CEMIP: variants seen among roughly 807,000 people sequenced by gnomAD.
CEMIP encodes cell migration-inducing and hyaluronan-binding protein.
Under a neutral mutation model 156.9 loss-of-function variants are expected in CEMIP, and 105 were observed. The ratio of observed to expected loss-of-function variants is 0.67; its 90% confidence interval spans 0.57 to 0.79. CEMIP has a LOEUF of 0.79. Among genes scored for constraint, CEMIP ranks in the 30% least tolerant of loss-of-function variants. The pLI, the probability that CEMIP is intolerant of heterozygous loss-of-function variation, is 0.00. For missense variants in CEMIP, 1,457 were observed against 1,769.4 expected, an observed-to-expected ratio of 0.82 and a Z score of 3.17; for synonymous variants, 676 against 668.4, an observed-to-expected ratio of 1.01 and a Z score of -0.17.
At chr15:80,826,042 A>C (rs1897030068) in intron 1 of CEMIP, among the ~76,000 whole-genome samples, 1 of 152,184 alleles carries the variant, frequency 6.6e-6, no homozygotes, top group African/African-American at 2.4e-5. Context: ...CACCATCTGC[A>C]CGTCTTTCTT....
intron 1 of CEMIP, among the ~76,000 whole-genome samples, chr15:80,859,565 C>T (rs545169590): frequency 6.6e-6 from 1 of 152,348 alleles, no homozygotes; most frequent in Admixed American, 6.5e-5. Context: ...TTCAAGGATG[C>T]CTCTAGTTCA....
chr15:80,822,949 G>A (rs1468906693), intron 1 of CEMIP, among the ~76,000 whole-genome samples: 1 of 152,136 alleles, frequency 6.6e-6, no homozygotes, highest in Non-Finnish European at 1.5e-5. Context: ...TGAGAACATG[G>A]GGCTGGGAGT....
chr15:80,807,230 A>ATT lies in CEMIP; in HGVS notation c.-176+27633_-176+27634dup, dbSNP rs5814038. On this transcript the variant is annotated intron_variant, in intron 1 of 29. Coordinates refer to ENST00000394685, the MANE Select transcript of CEMIP (RefSeq NM_001293298.2). ...AGTAGAGACAAAGTATCTAGAGAGGATTTTTTTTTTTTTTTTTTGAGACAG... is the reference window on the plus strand; with the variant it reads ...AGTAGAGACAAAGTATCTAGAGAGGATTTTTTTTTTTTTTTTTTTTGAGACAG... Among the ~76,000 whole-genome samples, 1,262 of 139,106 alleles carry ATT rather than the reference A, an allele frequency of 9.1e-3. 13 individuals are homozygous for ATT. The highest frequency in any genetic ancestry group is 0.012 in the Non-Finnish European group (753 of 64,178). The allele number at this position is 139,106 out of a possible 152,430, so 91.3% of individuals were successfully genotyped here. A position where few individuals can be genotyped will look rare whatever the true frequency, so the allele number is the denominator to read the frequency against.
intron 1 of CEMIP, among the ~76,000 whole-genome samples, chr15:80,869,892 G>C (rs1397080182): frequency 6.6e-6 from 1 of 152,172 alleles, no homozygotes; most frequent in Non-Finnish European, 1.5e-5. Flanking sequence ...CAGCTGATGA[G>C]AGCCAGAGTT....
intron 1 of CEMIP, among the ~76,000 whole-genome samples, chr15:80,784,890 C>A (rs567189009): frequency 6.6e-6 from 1 of 152,210 alleles, no homozygotes; most frequent in East Asian, 1.9e-4. Flanking sequence ...ATTCTGATTC[C>A]AATTCTTCTT....
chr15:80,888,947 TTTAA>T lies in CEMIP; in HGVS notation c.964+155_964+158del, dbSNP rs1161830068. On this transcript the variant is annotated intron_variant, in intron 9 of 29. Transcript: ENST00000394685. ...TAAAAATGTGCAACCAAAAGTTGTC[TTTAA>T]TTAGACAAGCCACTTTAGCCCATAG... The T allele has an allele frequency of 2.0e-5, 15 of 756,988 alleles. No homozygotes were observed. The Admixed American group carries it at 3.0e-4, about 15-fold the overall frequency. 46.9% of individuals were successfully genotyped at this position (756,988 alleles called of 1,614,324 possible). A position where few individuals can be genotyped will look rare whatever the true frequency, so the allele number is the denominator to read the frequency against.
At chr15:80,948,075 T>C (rs1301912721) in intron 29 of CEMIP, 1 of 153,494 alleles carries the variant, frequency 6.5e-6, no homozygotes, top group African/African-American at 2.4e-5. Flanking sequence ...CCTGAAATCA[T>C]TTTGGAGCCT....
intron 14 of CEMIP, among the ~76,000 whole-genome samples, chr15:80,911,800 G>A (rs1424047601): frequency 6.6e-6 from 1 of 152,278 alleles, no homozygotes; most frequent in African/African-American, 2.4e-5. Flanking sequence ...AAAGGGGGAA[G>A]CGGCACAAGA....
rs1900936121 is a variant in CEMIP at position 80,932,042 on chromosome 15, G to A, written c.2793+3G>A. 1 of 1,612,832 alleles carries A rather than the reference G, an allele frequency of 6.2e-7. No individual in the cohort carries two copies. The highest frequency in any genetic ancestry group is 8.5e-7 in the Non-Finnish European group (1 of 1,180,022). Reference sequence around the variant, plus strand: ...GCATTGCCTTTGAGGACGTTCCGGTGAGTGAGGCGCCAGGGCAGACTCCCG... The same window carrying A: ...GCATTGCCTTTGAGGACGTTCCGGTAAGTGAGGCGCCAGGGCAGACTCCCG... On this transcript the variant is annotated splice_donor_region_variant and intron_variant, in intron 22 of 29. Transcript: ENST00000394685. This position sits in a 1 kb window ranked among gnomAD's most constrained non-coding sequence, Gnocchi z 4.5.
intron 1 of CEMIP, among the ~76,000 whole-genome samples, chr15:80,850,512 C>A (rs1046322648): frequency 6.6e-6 from 1 of 152,182 alleles, no homozygotes; most frequent in African/African-American, 2.4e-5. Context: ...CTCCTGGCTT[C>A]AAGTGATCCC....
rs577064194 is a variant in CEMIP, at chr15:80,918,218, T to C, written c.1798-1876T>C. ...TGAGCTCAGGAGGCAGAGGTTGTAGTGAGCCGAGATCATGCCACTGCACTC... is the reference window on the plus strand; with the variant it reads ...TGAGCTCAGGAGGCAGAGGTTGTAGCGAGCCGAGATCATGCCACTGCACTC... On this transcript the variant is annotated intron_variant, in intron 14 of 29. Transcript: ENST00000394685. Among the ~76,000 whole-genome samples the C allele has an allele frequency of 4.1e-3, 621 of 151,916 alleles. 5 individuals are homozygous for C. The highest frequency in any genetic ancestry group is 0.015 in the African/African-American group (602 of 41,384).
chr15:80,904,715 C>G (rs1175798265), intron 12 of CEMIP, among the ~76,000 whole-genome samples: 1 of 152,132 alleles, frequency 6.6e-6, no homozygotes, highest in Non-Finnish European at 1.5e-5. Flanking sequence ...CCACTCAAAT[C>G]TGAAAAGGGC....
At chr15:80,927,897 G>C (rs1900755540) in intron 19 of CEMIP, among the ~76,000 whole-genome samples, 1 of 152,152 alleles carries the variant, frequency 6.6e-6, no homozygotes, top group African/African-American at 2.4e-5. Flanking sequence ...AACTAAATGG[G>C]CTTCGGAAAA....
Position 80,936,633 on chromosome 15 carries a change from G to A in CEMIP, c.3010-41G>A, listed in dbSNP as rs145470786. 8.2e-3 allele frequency: 12,568 copies of A among 1,534,002 alleles called. 81 individuals are homozygous for A. The highest frequency in any genetic ancestry group is 0.031 in the Middle Eastern group (185 of 5,898). ...CCAGACGCTCTTGGAATAATCCTTC[G>A]TAATAGCCTCATTGTGTGTTTCCTT... On this transcript the variant is annotated intron_variant, in intron 23 of 29. Transcript: ENST00000394685.
At chr15:80,878,645 C>G (rs1898546242) in intron 3 of CEMIP, 76 bp from the exon 4 acceptor site, 1 of 1,593,890 alleles carries the variant, frequency 6.3e-7, no homozygotes, top group Non-Finnish European at 8.6e-7. Context: ...TGCATGGGAG[C>G]CCCCTTTTGG....
Position 80,943,064 on chromosome 15 carries a change from A to G in CEMIP, c.3819A>G (p.Pro1273=), listed in dbSNP as rs116794418. 1,792 of 1,614,208 alleles carry G rather than the reference A, an allele frequency of 1.1e-3. 15 individuals are homozygous for G. In the African/African-American group the frequency reaches 0.021, roughly 19 times the overall value. Residue 1273 remains proline (P), a synonymous_variant, in exon 28 of 30, where the codon CCA becomes CCG. Coordinates refer to ENST00000394685, the MANE Select transcript of CEMIP (RefSeq NM_001293298.2). ...GGAACTCCATTCTGCAAGGCATACC[A>G]TGGCAGCTTTTCAACTATGTGGCGA... is the stretch of plus-strand genomic sequence containing the variant. ...SFRNSILQGI[P]WQLFNYVATI...
intron 1 of CEMIP, among the ~76,000 whole-genome samples, chr15:80,789,879 A>G (rs1283281929): frequency 2.0e-5 from 3 of 152,252 alleles, no homozygotes; most frequent in Non-Finnish European, 4.4e-5. Flanking sequence ...CAAAAAGATG[A>G]TACTTCCGTT....
intron 1 of CEMIP, among the ~76,000 whole-genome samples, chr15:80,836,271 G>A (rs527612119): frequency 3.7e-4 from 57 of 152,288 alleles, no homozygotes; most frequent in African/African-American, 1.3e-3. Flanking sequence ...CTCTAAGAGC[G>A]AAAAGGCATC....
chr15:80,907,695 T>C (rs1039746843), intron 13 of CEMIP, among the ~76,000 whole-genome samples: 1 of 152,250 alleles, frequency 6.6e-6, no homozygotes, highest in African/African-American at 2.4e-5. Context: ...AAAACGATAC[T>C]AATTTACTGG....
Sources: allele counts gnomAD v4.1 joint callset (sites outside exome capture counted in the v4.1 genomes callset), GRCh38; gene constraint gnomAD v4.1.1; non-coding constraint Gnocchi (gnomAD v3.1); transcripts MANE v1.5; gene names NCBI Gene and HGNC (gene_info 2026-07-23, HGNC 2026-07-21).